The following GET4 variants were observed in gnomAD, a reference collection of about 807,000 sequenced individuals.
GET4 encodes the protein guided entry of tail-anchored proteins factor 4.
A neutral mutation model predicts 40.0 loss-of-function variants in GET4; 20 were observed. The ratio of observed to expected loss-of-function variants is 0.50; its 90% CI spans 0.35 to 0.73. The LOEUF is 0.73. Ranked by LOEUF, GET4 falls within the 30% of genes least tolerant of loss-of-function variation. The pLI is 0.01. For missense variants in GET4, 557 were observed against 454.0 expected (o/e 1.23, Z -2.06); for synonymous variants, 280 against 194.6 (o/e 1.44, Z -3.65).
intron 1 of GET4, 134 bp downstream of exon 1, chr7:876,934 G>A (rs1479366098): frequency 1.9e-5 from 6 of 310,328 alleles, no homozygotes; most frequent in Non-Finnish European, 2.4e-5. Flanking sequence ...CAGGGGCCGC[G>A]GGTCGCCCGG....
chr7:881,930 G>C (rs1003122765), intron 1 of GET4: 1 of 152,218 alleles, frequency 6.6e-6, no homozygotes, highest in African/African-American at 2.4e-5. Context: ...TGTAGTGCCC[G>C]GGATTCTGTC....
chr7:892,339 C>T lies in GET4; in HGVS notation c.667C>T (p.His223Tyr). ...GGTCTTCACGACGTACACCCAGAAGCACCCGTCCATCGAGGACGGGCCTCC... is the reference window on the plus strand; with the variant it reads ...GGTCTTCACGACGTACACCCAGAAGTACCCGTCCATCGAGGACGGGCCTCC... Reference protein sequence around the residue: ...SVVFTTYTQKHPSIEDGPPFV... With the variant: ...SVVFTTYTQKYPSIEDGPPFV... Residue 223 changes from histidine to tyrosine, a missense_variant, in exon 6 of 9, where the codon CAC becomes TAC. Physicochemically the swap from His to Tyr is moderately conservative, Grantham distance 83. Transcript: ENST00000265857. 6.3e-7 allele frequency: 1 copy of T among 1,596,652 alleles called. No homozygotes were observed. Among genetic ancestry groups the T allele is most frequent in the Non-Finnish European group, 8.6e-7 (1 of 1,165,254 alleles).
At chr7:894,717 G>A (rs550549559) in intron 8 of GET4, among the ~76,000 whole-genome samples, 34 of 152,344 alleles carry the variant, frequency 2.2e-4, no homozygotes, top group Middle Eastern at 3.4e-3. Flanking sequence ...GGGTGACGTC[G>A]TGGATAAGAG....
In GET4 at chr7:893,806, G is replaced by A; in HGVS notation, c.813G>A (p.Met271Ile). Residue 271 changes from methionine to isoleucine, a missense_variant, in exon 7 of 9, where the codon ATG becomes ATA. Physicochemically the swap from Met to Ile is conservative, Grantham distance 10. Coordinates refer to ENST00000265857, the MANE Select transcript of GET4 (RefSeq NM_015949.3). ...AGCCATCCCTCCGGCGGGACCCCAT[G>A]TACAACGAGGTGAGAGCTTGGGGCT... ...QYQPSLRRDP[M>I]YNEYLDRIGQ... is the part of the protein sequence containing the mutation. 1 of 1,610,884 alleles carries A rather than the reference G, an allele frequency of 6.2e-7. No homozygotes were observed. Among genetic ancestry groups the A allele is most frequent in the Non-Finnish European group, 8.5e-7 (1 of 1,177,614 alleles).
intron 8 of GET4, 88 bp from the exon 9 acceptor site, chr7:895,246 C>A (rs1583103894): frequency 1.5e-6 from 1 of 673,588 alleles, no homozygotes; most frequent in Non-Finnish European, 2.7e-6. Context: ...GACACTGGGA[C>A]ACCTTGTGAG....
At chr7:879,575 C>T (rs983921412) in intron 1 of GET4, among the ~76,000 whole-genome samples, 3 of 152,120 alleles carry the variant, frequency 2.0e-5, no homozygotes, top group African/African-American at 4.8e-5. Flanking sequence ...TCTTACATGA[C>T]CTGAAGGGCA....
At chr7:884,934 A>G (rs1436413483) in intron 1 of GET4, 1 of 151,914 alleles carries the variant, frequency 6.6e-6, no homozygotes, top group African/African-American at 2.4e-5. Context: ...GGTGCACACC[A>G]CCATGCCCAG....
At position 886,628 on chromosome 7, in the gene GET4, G is replaced by A. The variant is rs763617163; in HGVS notation, c.294G>A (p.Val98=). ...TGGAGTCCCTGGAGAAGGCGGAAGTGGAGGTGGCTGACGAGCTGCTGGGTG... is the reference window on the plus strand; with the variant it reads ...TGGAGTCCCTGGAGAAGGCGGAAGTAGAGGTGGCTGACGAGCTGCTGGGTG... The part of the protein sequence containing the change: ...LVLESLEKAE[V]EVADELLENL... The change falls in exon 3 of 9, where the codon GTG becomes GTA. Residue 98 remains valine, a synonymous_variant. Transcript: ENST00000265857. 4.3e-6 allele frequency: 7 copies of A among 1,612,420 alleles called. No homozygotes were observed. Among genetic ancestry groups the A allele is most frequent in the Admixed American group, 1.7e-5 (1 of 60,024 alleles).
In GET4 at chr7:876,605, G is replaced by T; in HGVS notation, c.-41G>T. ...CGGAAGCCGGGAGGCGCTGCCGACC[G>T]CGCCTGCGACAGCGTCAGCCCTGCG... On this transcript the variant is annotated 5_prime_UTR_variant, in exon 1 of 9. Coordinates refer to ENST00000265857, the MANE Select transcript of GET4 (RefSeq NM_015949.3). 6.9e-6 allele frequency: 8 copies of T among 1,164,340 alleles called. No homozygotes were observed. Among genetic ancestry groups the T allele is most frequent in the Non-Finnish European group, 8.5e-6 (8 of 940,622 alleles). The allele number at this position is 1,164,340 out of a possible 1,614,324, so 72.1% of individuals were successfully genotyped here.
intron 1 of GET4, chr7:884,021 C>T (rs564644639): frequency 1.7e-6 from 2 of 1,150,702 alleles, no homozygotes; most frequent in East Asian, 1.4e-4. Context: ...GGGCCGTGAC[C>T]ATCGGCAGTG....
chr7:895,347 C>A lies in GET4; in HGVS notation c.909C>A (p.Thr303=). 2 of 1,574,978 alleles carry A rather than the reference C, an allele frequency of 1.3e-6. No individual in the cohort carries two copies. The highest frequency in any genetic ancestry group is 1.7e-6 in the Non-Finnish European group (2 of 1,147,640). Residue 303 remains threonine (T), a synonymous_variant, in exon 9 of 9, where the codon ACC becomes ACA. Coordinates refer to ENST00000265857, the MANE Select transcript of GET4 (RefSeq NM_015949.3). Reference sequence around the variant, plus strand: ...TCTTCTTTCCAGGGAACCTTCTGACCAGCCTCATGGGCTCCTCAGAGCAGG... The same window carrying A: ...TCTTCTTTCCAGGGAACCTTCTGACAAGCCTCATGGGCTCCTCAGAGCAGG... The part of the protein sequence containing the change: ...SYGGLLGNLL[T]SLMGSSEQED...
chr7:891,194 C>G (rs1844314185), intron 5 of GET4, 128 bp downstream of exon 5: 2 of 666,582 alleles, frequency 3.0e-6, no homozygotes, highest in East Asian at 2.9e-5. Context: ...TGGGCAGAGC[C>G]CACAGTGCAC....
At chr7:879,468 T>C (rs1012563079) in intron 1 of GET4, among the ~76,000 whole-genome samples, 1 of 152,240 alleles carries the variant, frequency 6.6e-6, no homozygotes, top group African/African-American at 2.4e-5. Flanking sequence ...GGTCCTGGCA[T>C]CTGTGTTTAG....
intron 6 of GET4, 128 bp from the exon 7 acceptor site, chr7:893,612 C>T (rs1165501944): frequency 1.0e-5 from 6 of 582,210 alleles, no homozygotes; most frequent in Middle Eastern, 4.5e-4. Context: ...GCGGTGTGTG[C>T]AGGTGAGTGT....
At chr7:879,277 T>C (rs965091119) in intron 1 of GET4, among the ~76,000 whole-genome samples, 11 of 152,138 alleles carry the variant, frequency 7.2e-5, no homozygotes, top group African/African-American at 2.7e-4. Flanking sequence ...GGTAAGCGAG[T>C]GGCCGGCACG....
chr7:893,631 G>T, intron 6 of GET4, 109 bp from the exon 7 acceptor site: 1 of 680,852 alleles, frequency 1.5e-6, no homozygotes, highest in South Asian at 1.7e-5. Context: ...GTTGGGCGCG[G>T]GCGTGGTGGT....
rs761895319 is a variant in GET4 at position 887,351 on chromosome 7, G to A, written c.317-19G>A. 3.8e-6 allele frequency: 6 copies of A among 1,571,448 alleles called. No individual in the cohort carries two copies. Among genetic ancestry groups the A allele is most frequent in the Non-Finnish European group, 5.2e-6 (6 of 1,154,802 alleles). ...GAGTGGCCGTGCGTTCCTCTGATGA[G>A]GGTCTGTGCTGTTTGCAGAAAATCT... is the stretch of plus-strand genomic sequence containing the variant. On this transcript the variant is annotated intron_variant, in intron 3 of 8. Transcript: ENST00000265857.
chr7:887,863 T>G (rs984686580), intron 4 of GET4, among the ~76,000 whole-genome samples: 4 of 152,184 alleles, frequency 2.6e-5, no homozygotes, highest in African/African-American at 9.7e-5. Flanking sequence ...GCCCTGTTTT[T>G]CTCCTTTACG....
intron 1 of GET4, chr7:884,639 C>G (rs1844152376): frequency 8.9e-6 from 2 of 224,694 alleles, no homozygotes; most frequent in African/African-American, 2.3e-5. Context: ...GCTGTGGTGC[C>G]TTCTGAAGAG....
Sources: allele counts gnomAD v4.1 joint callset (sites outside exome capture counted in the v4.1 genomes callset), GRCh38; gene constraint gnomAD v4.1.1; transcripts MANE v1.5; gene names NCBI Gene and HGNC (gene_info 2026-07-23, HGNC 2026-07-21).